ERC2: variants seen among roughly 807,000 people sequenced by gnomAD.
The protein encoded by ERC2 is ERC protein 2.
A neutral mutation model predicts 114.8 loss-of-function variants in ERC2; 42 were observed. That is an observed-to-expected ratio of 0.37 (90% confidence interval 0.29 to 0.47). ERC2 has a LOEUF of 0.47. Among genes scored for constraint, ERC2 ranks in the 20% least tolerant of loss-of-function variants. ERC2 has a pLI of 0.99. For missense variants in ERC2, 939 were observed against 1,150.7 expected (o/e 0.82, Z 2.66); for synonymous variants, 454 against 425.5 (o/e 1.07, Z -0.82).
intron 11 of ERC2, among the ~76,000 whole-genome samples, chr3:55,987,141 T>C (rs2070700806): frequency 6.6e-6 from 1 of 152,206 alleles, no homozygotes; most frequent in African/African-American, 2.4e-5. Flanking sequence ...AAGTGTTGAT[T>C]TGATAATCCC....
At chr3:55,675,295 T>C (rs1376969453) in intron 17 of ERC2, among the ~76,000 whole-genome samples, 2 of 152,200 alleles carry the variant, frequency 1.3e-5, no homozygotes, top group African/African-American at 4.8e-5. Flanking sequence ...AGGGTTGCAG[T>C]AAGAGTTTCA....
intron 2 of ERC2, among the ~76,000 whole-genome samples, chr3:56,328,537 A>G (rs2057467560): frequency 6.6e-6 from 1 of 152,220 alleles, no homozygotes; most frequent in Non-Finnish European, 1.5e-5. Context: ...GTATTTTTAA[A>G]ATAGTCTGTG....
chr3:55,778,877 A>G (rs538586274), intron 14 of ERC2, among the ~76,000 whole-genome samples: 1 of 152,300 alleles, frequency 6.6e-6, no homozygotes, highest in Non-Finnish European at 1.5e-5. Context: ...AATCAAGGAG[A>G]AAAAGGTGGA....
At chr3:56,357,878 C>T (rs2058804589) in intron 2 of ERC2, among the ~76,000 whole-genome samples, 1 of 151,024 alleles carries the variant, frequency 6.6e-6, no homozygotes, top group Non-Finnish European at 1.5e-5. Flanking sequence ...ATTTATGGCC[C>T]CCACTCCAGG....
intron 14 of ERC2, among the ~76,000 whole-genome samples, chr3:55,761,920 C>T (rs1486038487): frequency 1.4e-5 from 2 of 146,396 alleles, no homozygotes. Context: ...TTCTCTCTCT[C>T]TCTGCCCCCC....
chr3:55,634,279 C>A (rs542590505), intron 17 of ERC2, among the ~76,000 whole-genome samples: 9 of 152,224 alleles, frequency 5.9e-5, no homozygotes, highest in African/African-American at 2.2e-4. Context: ...CCATGCATTC[C>A]CCCAGGATAT....
chr3:56,058,303 C>T (rs1011711648), intron 7 of ERC2, among the ~76,000 whole-genome samples: 1 of 152,302 alleles, frequency 6.6e-6, no homozygotes, highest in South Asian at 2.1e-4. Context: ...CAACGGCTGG[C>T]TCTTGGGAAA....
chr3:55,876,471 G>A (rs1443748582), intron 14 of ERC2, among the ~76,000 whole-genome samples: 1 of 152,164 alleles, frequency 6.6e-6, no homozygotes, highest in African/African-American at 2.4e-5. Context: ...TGGTCTAAAT[G>A]AACATTGTAA....
intron 2 of ERC2, among the ~76,000 whole-genome samples, chr3:56,421,707 G>T (rs1434679741): frequency 1.3e-5 from 2 of 152,186 alleles, no homozygotes; most frequent in African/African-American, 4.8e-5. Context: ...ATGGAGACTG[G>T]CTTTGTTGAT....
intron 8 of ERC2, among the ~76,000 whole-genome samples, chr3:56,011,835 C>T (rs1010147710): frequency 6.6e-6 from 1 of 152,068 alleles, no homozygotes; most frequent in Non-Finnish European, 1.5e-5. Flanking sequence ...ATAAATAAGA[C>T]AACTGTAAAA....
At chr3:56,388,607 T>G (rs775937486) in intron 2 of ERC2, among the ~76,000 whole-genome samples, 1 of 152,216 alleles carries the variant, frequency 6.6e-6, no homozygotes, top group Non-Finnish European at 1.5e-5. Context: ...TCATGAGGCT[T>G]GAAGTCTAGA....
chr3:56,397,510 C>T (rs1243339789), intron 2 of ERC2, among the ~76,000 whole-genome samples: 2 of 152,158 alleles, frequency 1.3e-5, no homozygotes, highest in South Asian at 2.1e-4. Flanking sequence ...CTGTAGCTTG[C>T]TTTTTTCCAC....
At chr3:56,057,997 T>C (rs1204952494) in intron 7 of ERC2, among the ~76,000 whole-genome samples, 1 of 152,210 alleles carries the variant, frequency 6.6e-6, no homozygotes, top group African/African-American at 2.4e-5. Context: ...AATTAATTGA[T>C]TATTATTTGT....
At chr3:56,033,013 AAG>A (rs770355114) in intron 7 of ERC2, among the ~76,000 whole-genome samples, 7 of 136,026 alleles carry the variant, frequency 5.1e-5, no homozygotes, top group African/African-American at 1.3e-4. Context: ...GAAAGAAAGA[AAG>A]AAAGAAAAAA....
chr3:55,747,524 A>G, intron 14 of ERC2, among the ~76,000 whole-genome samples: 1 of 152,262 alleles, frequency 6.6e-6, no homozygotes, highest in South Asian at 2.1e-4. Context: ...ACTTTATTCC[A>G]CGCCGTAAGG....
chr3:56,199,118 G>A (rs1346042182), intron 3 of ERC2, among the ~76,000 whole-genome samples: 1 of 152,160 alleles, frequency 6.6e-6, no homozygotes, highest in African/African-American at 2.4e-5. Context: ...GTTGGGTAAG[G>A]CAGCTGAAAA....
rs765035214 is a variant in ERC2, at chr3:55,888,549, T to C, written c.2404A>G (p.Ile802Val). The C allele has an allele frequency of 6.7e-5, 108 of 1,613,690 alleles. No individual in the cohort carries two copies. The East Asian group carries it at 2.4e-3, about 35-fold the overall frequency. ...SMADNSQHLQ[I>V]EELMNALEKT... ...TCCAGTGCATTCATCAGTTCCTCTA[T>C]CTGAAAGGCACATGGAGCTCTGTGT... The change falls in exon 14 of 18, where the codon ATA becomes GTA. Residue 802 changes from isoleucine to valine, a missense_variant and splice_region_variant. Transcript: ENST00000288221.
intron 17 of ERC2, among the ~76,000 whole-genome samples, chr3:55,553,722 G>A (rs1176744213): frequency 3.3e-5 from 5 of 152,068 alleles, no homozygotes; most frequent in Admixed American, 1.3e-4. Flanking sequence ...GGAGCTTGCC[G>A]TGAGTCAAGA....
At chr3:56,179,965 C>T (rs931038319) in intron 3 of ERC2, among the ~76,000 whole-genome samples, 1 of 151,930 alleles carries the variant, frequency 6.6e-6, no homozygotes, top group African/African-American at 2.4e-5. Context: ...GAAGAGAGAT[C>T]AGAGTATTGA....
Sources: allele counts gnomAD v4.1 joint callset (sites outside exome capture counted in the v4.1 genomes callset), GRCh38; gene constraint gnomAD v4.1.1; transcripts MANE v1.5; gene names NCBI Gene and HGNC (gene_info 2026-07-23, HGNC 2026-07-21).